Variants in ZBBX observed in about 807,000 individuals in gnomAD.
ZBBX encodes the protein zinc finger B-box domain-containing protein 1.
ZBBX carries 101 observed loss-of-function variants against 108.5 expected under a neutral mutation model. That is an observed-to-expected ratio of 0.93 (90% CI 0.79 to 1.10). The LOEUF (loss-of-function observed/expected upper bound fraction) is 1.10. Ranked by LOEUF, ZBBX falls within the 50% of genes least tolerant of loss-of-function variation. ZBBX has a pLI of 0.00. For synonymous variants in ZBBX, 356 were observed against 323.4 expected (o/e 1.10, Z -1.08); for missense variants, 1,009 against 941.4 (o/e 1.07, Z -0.94).
intron 20 of ZBBX, among the ~76,000 whole-genome samples, chr3:167,273,613 G>A (rs1301613007): frequency 6.6e-6 from 1 of 151,972 alleles, no homozygotes; most frequent in East Asian, 2.0e-4. Context: ...CCCATCAGTC[G>A]CCCCTTAGTC....
At chr3:167,251,137 G>A (rs928023927) in intron 20 of ZBBX, among the ~76,000 whole-genome samples, 1 of 152,128 alleles carries the variant, frequency 6.6e-6, no homozygotes, top group Non-Finnish European at 1.5e-5. Flanking sequence ...GGAGAGCTGG[G>A]GCTGCTGAGT....
At chr3:167,398,228 C>G (rs557860962) in intron 1 of ZBBX, among the ~76,000 whole-genome samples, 3 of 152,164 alleles carry the variant, frequency 2.0e-5, no homozygotes, top group South Asian at 2.1e-4. Context: ...GTAGCTGTGT[C>G]AGAACGTCTT....
chr3:167,194,228 A>AG, the ZBBX span, among the ~76,000 whole-genome samples: 5 of 99,624 alleles, frequency 5.0e-5, no homozygotes, highest in African/African-American at 2.2e-4. Context: ...AATATGTACT[A>AG]AATATATATA....
upstream of ZBBX, chr3:167,380,502 A>C (rs1747630901): frequency 6.6e-6 from 1 of 152,212 alleles, no homozygotes; most frequent in Non-Finnish European, 1.5e-5. Context: ...CTTGGAGATT[A>C]TGTATGTGCT....
intron 12 of ZBBX, among the ~76,000 whole-genome samples, chr3:167,321,097 T>C (rs557937032): frequency 3.1e-4 from 47 of 152,024 alleles, no homozygotes; most frequent in Non-Finnish European, 4.6e-4. Flanking sequence ...TTATGTAAGA[T>C]GTTACCATTA....
chr3:167,365,907 T>C lies in ZBBX; in HGVS notation c.252A>G (p.Gln84=), dbSNP rs1745245958. Residue 84 remains glutamine, a synonymous_variant, in exon 6 of 22, where the codon CAA becomes CAG. Transcript: ENST00000675490. The part of the protein sequence containing the change: ...KLVNQSYMMS[Q]NKGNVVKFSA... ...TTACCTTAACAACATTTCCTTTATTTTGTGACATCATATATGATTGATTGA... is the reference window on the plus strand; with the variant it reads ...TTACCTTAACAACATTTCCTTTATTCTGTGACATCATATATGATTGATTGA... 1 of 1,608,178 alleles carries C rather than the reference T, an allele frequency of 6.2e-7. No individual in the cohort carries two copies. The highest frequency in any genetic ancestry group is 8.5e-7 in the Non-Finnish European group (1 of 1,176,172).
chr3:167,364,131 T>C (rs1056179222), intron 6 of ZBBX, among the ~76,000 whole-genome samples: 2 of 151,652 alleles, frequency 1.3e-5, no homozygotes, highest in Admixed American at 1.3e-4. Flanking sequence ...GATTGTCAAG[T>C]GCATTGTAGG....
the ZBBX span, among the ~76,000 whole-genome samples, chr3:167,229,235 T>C: frequency 6.6e-6 from 1 of 151,954 alleles, no homozygotes; most frequent in South Asian, 2.1e-4. Context: ...GTGATTTTCA[T>C]TCCCCACCCA....
At chr3:167,280,367 T>A (rs1466089081) in intron 20 of ZBBX, among the ~76,000 whole-genome samples, 3 of 150,368 alleles carry the variant, frequency 2.0e-5, no homozygotes, top group Non-Finnish European at 3.0e-5. Flanking sequence ...GACAAAGGGC[T>A]AATATCCAGA....
intron 2 of ZBBX, among the ~76,000 whole-genome samples, chr3:167,374,172 T>C (rs1293557414): frequency 1.3e-5 from 2 of 152,128 alleles, no homozygotes; most frequent in East Asian, 3.9e-4. Flanking sequence ...AAATGAAAAT[T>C]AAGGTATGTA....
chr3:167,359,081 GGATA>G (rs1161221978), intron 8 of ZBBX, among the ~76,000 whole-genome samples: 4 of 151,766 alleles, frequency 2.6e-5, no homozygotes, highest in African/African-American at 7.3e-5. Flanking sequence ...ATGTATGAAT[GGATA>G]AACAAATTGT....
At chr3:167,330,871 GAGAAGAAGA>G (rs1303832807) in intron 10 of ZBBX, among the ~76,000 whole-genome samples, 4,345 of 44,032 alleles carry the variant, frequency 0.099, 186 homozygotes, top group Middle Eastern at 0.15. Flanking sequence ...GGAGGAGGAG[GAGAAGAAGA>G]AGAAGAAGAA....
Position 167,242,385 on chromosome 3 carries a change from T to C in ZBBX, c.2393+120A>G, listed in dbSNP as rs1254458099. ...AAGGACCCAAACATTCTATAAAGAA[T>C]GATCATATAAAGTATACACATGAGG... is the stretch of plus-strand genomic sequence containing the variant. On this transcript the variant is annotated intron_variant, in intron 21 of 21. Transcript: ENST00000675490. The C allele has an allele frequency of 3.7e-6, 3 of 813,232 alleles. No homozygotes were observed. In the Admixed American group the frequency reaches 8.6e-5, roughly 23 times the overall value. 50.4% of individuals were successfully genotyped at this position (813,232 alleles called of 1,614,324 possible).
intron 18 of ZBBX, among the ~76,000 whole-genome samples, chr3:167,293,904 GACAA>G: frequency 6.7e-6 from 1 of 148,450 alleles, no homozygotes; most frequent in East Asian, 1.9e-4. Context: ...ACCTATAACA[GACAA>G]ACAGAGAGCC....
chr3:167,216,089 A>G, the ZBBX span, among the ~76,000 whole-genome samples: 2 of 152,198 alleles, frequency 1.3e-5, no homozygotes, highest in African/African-American at 4.8e-5. Context: ...GCCCTCTTTC[A>G]TCACTTCTAT....
intron 16 of ZBBX, among the ~76,000 whole-genome samples, chr3:167,307,081 C>G (rs6781953): frequency 0.4 from 60,114 of 151,988 alleles, 12,074 homozygotes; most frequent in Non-Finnish European, 0.43. Context: ...ATTCAACATT[C>G]ATTCATGTTA....
At chr3:167,313,599 T>C (rs559226840) in intron 16 of ZBBX, among the ~76,000 whole-genome samples, 6 of 152,236 alleles carry the variant, frequency 3.9e-5, no homozygotes, top group African/African-American at 1.2e-4. Flanking sequence ...TGTTTTATTT[T>C]GGTTCATCTC....
the ZBBX span, among the ~76,000 whole-genome samples, chr3:167,190,815 A>G: frequency 1.3e-5 from 2 of 152,212 alleles, no homozygotes; most frequent in Non-Finnish European, 2.9e-5. Context: ...AGTGCTGACA[A>G]GAGGATGCCA....
intron 1 of ZBBX, among the ~76,000 whole-genome samples, chr3:167,400,328 T>A (rs1245805117): frequency 1.3e-5 from 2 of 152,174 alleles, no homozygotes; most frequent in Non-Finnish European, 2.9e-5. Context: ...ACCAACAGTA[T>A]ATAAGCATTC....
Sources: gnomAD v4.1 joint callset for allele counts (sites outside exome capture counted in the v4.1 genomes callset) on GRCh38, gnomAD v4.1.1 for gene constraint, MANE v1.5 for transcripts, NCBI Gene and HGNC (gene_info 2026-07-23, HGNC 2026-07-21) for gene names.